Variants in RAPGEF4 observed in about 807,000 individuals in gnomAD.
RAPGEF4 encodes RAP guanine-nucleotide-exchange factor (GEF) 4.
RAPGEF4 carries 66 observed loss-of-function variants against 147.9 expected under a neutral mutation model. The observed-to-expected ratio is 0.45, with a 90% CI of 0.37 to 0.55. RAPGEF4 has a LOEUF of 0.55. RAPGEF4 is among the 20% of genes least tolerant of loss of function. The pLI is 0.00. For missense variants in RAPGEF4, 1,071 were observed against 1,257.3 expected, an observed-to-expected ratio of 0.85 and a Z score of 2.24; for synonymous variants, 419 against 442.7, an observed-to-expected ratio of 0.95 and a Z score of 0.67.
At chr2:172,989,075 A>G (rs1026718917) in intron 14 of RAPGEF4, among the ~76,000 whole-genome samples, 7 of 152,210 alleles carry the variant, frequency 4.6e-5, no homozygotes, top group South Asian at 4.1e-4. Flanking sequence ...CAGTCCCTCT[A>G]TGCATCCCTG....
intron 4 of RAPGEF4, among the ~76,000 whole-genome samples, chr2:172,892,758 A>T (rs80197354): frequency 2.5e-3 from 377 of 152,050 alleles, no homozygotes; most frequent in African/African-American, 8.1e-3. Context: ...GCTTCCTGGG[A>T]TTGGTCATCT....
chr2:173,020,459 G>A (rs75013622), intron 22 of RAPGEF4, among the ~76,000 whole-genome samples, 159 bp from the exon 23 acceptor site: 2,321 of 152,256 alleles, frequency 0.015, 58 homozygotes, highest in African/African-American at 0.052. Flanking sequence ...CATGAATGCC[G>A]TCTTTTTTAT....
intron 3 of RAPGEF4, among the ~76,000 whole-genome samples, chr2:172,804,730 G>C (rs890312921): frequency 6.6e-6 from 1 of 152,154 alleles, no homozygotes; most frequent in African/African-American, 2.4e-5. Flanking sequence ...GGTGGAGAGG[G>C]GTGATGGGGA....
At chr2:172,835,804 A>G (rs1221234772) in intron 4 of RAPGEF4, among the ~76,000 whole-genome samples, 2 of 152,174 alleles carry the variant, frequency 1.3e-5, no homozygotes, top group African/African-American at 4.8e-5. Context: ...CAATCTCTTA[A>G]CCAGTATACA....
At chr2:172,736,693 GCTCT>G (rs937632280) in intron 1 of RAPGEF4, among the ~76,000 whole-genome samples, 3 of 152,236 alleles carry the variant, frequency 2.0e-5, no homozygotes, top group African/African-American at 7.2e-5. Context: ...CCCGACGACA[GCTCT>G]CTCTAAGGAG....
intron 22 of RAPGEF4, among the ~76,000 whole-genome samples, chr2:173,019,583 C>T (rs1198019907): frequency 6.6e-6 from 1 of 152,210 alleles, no homozygotes; most frequent in African/African-American, 2.4e-5. Context: ...TGGCGGAATC[C>T]TTCAGGAACA....
chr2:172,839,392 T>C lies in RAPGEF4; in HGVS notation c.444+24967T>C, dbSNP rs186775878. The stretch of plus-strand genomic sequence containing the variant: ...TATTTATGGTTATTTCTTAATGATA[T>C]ACTAAAGAAGGGGTGGATTATTCAT... On this transcript the variant is annotated intron_variant, in intron 4 of 30. Transcript: ENST00000397081. 1.3e-3 allele frequency among the ~76,000 whole-genome samples: 203 copies of C among 152,230 alleles called. 1 individual carries two copies. Among genetic ancestry groups the C allele is most frequent in the African/African-American group, 4.5e-3 (186 of 41,492 alleles).
chr2:172,837,889 A>G (rs531888063), intron 4 of RAPGEF4, among the ~76,000 whole-genome samples: 34 of 152,334 alleles, frequency 2.2e-4, no homozygotes, highest in Middle Eastern at 3.4e-3. Context: ...ATTCACTTGG[A>G]GAACAATAGC....
intron 3 of RAPGEF4, among the ~76,000 whole-genome samples, chr2:172,813,163 A>G (rs752564331): frequency 3.3e-5 from 5 of 152,238 alleles, no homozygotes; most frequent in Non-Finnish European, 5.9e-5. Context: ...GTGATTACAG[A>G]GTCACTAACT....
intron 9 of RAPGEF4, chr2:172,967,039 A>G: frequency 2.3e-6 from 1 of 436,156 alleles, no homozygotes; most frequent in Admixed American, 3.9e-5. Context: ...ACAGAGGCCG[A>G]GGAGATGGGT....
At chr2:172,925,777 A>AAGAGAGAGAGAGAGAGAG (rs67773579) in intron 6 of RAPGEF4, among the ~76,000 whole-genome samples, 142 of 133,884 alleles carry the variant, frequency 1.1e-3, no homozygotes, top group South Asian at 4.4e-3. Context: ...GAAAGAAAGA[A>AAGAGAGAGAGAGAGAGAG]AGAGAGAGAG....
intron 4 of RAPGEF4, among the ~76,000 whole-genome samples, chr2:172,861,519 G>T (rs1417528866): frequency 6.6e-6 from 1 of 152,212 alleles, no homozygotes; most frequent in Admixed American, 6.5e-5. Context: ...CCAGGAAGAT[G>T]GTGTCCCTGG....
chr2:172,992,921 G>C (rs1316155990), intron 15 of RAPGEF4, among the ~76,000 whole-genome samples: 1 of 152,128 alleles, frequency 6.6e-6, no homozygotes, highest in Non-Finnish European at 1.5e-5. Context: ...TTGAAGGGGA[G>C]GGGGGCATGT....
At chr2:172,737,737 G>T (rs1157886042) in intron 1 of RAPGEF4, among the ~76,000 whole-genome samples, 1 of 151,654 alleles carries the variant, frequency 6.6e-6, no homozygotes, top group African/African-American at 2.4e-5. Flanking sequence ...CACAGATACT[G>T]AGCCTAGCAT....
chr2:173,043,126 C>G (rs1328758458), intron 29 of RAPGEF4, among the ~76,000 whole-genome samples: 1 of 152,126 alleles, frequency 6.6e-6, no homozygotes, highest in East Asian at 1.9e-4. Flanking sequence ...AAATTCTTGT[C>G]CCAAATATGT....
intron 20 of RAPGEF4, 96 bp downstream of exon 20, chr2:173,017,300 T>A: frequency 6.7e-7 from 1 of 1,498,612 alleles, no homozygotes; most frequent in South Asian, 1.1e-5. Context: ...TGATTTCTTT[T>A]TTGTAGACGT....
chr2:172,797,740 C>T (rs1686526130), intron 3 of RAPGEF4, 127 bp downstream of exon 3: 1 of 690,426 alleles, frequency 1.4e-6, no homozygotes, highest in Non-Finnish European at 2.4e-6. Flanking sequence ...AGGAGTTCAG[C>T]ACTGTTTGTT....
chr2:172,866,951 C>CTT (rs368474331), intron 4 of RAPGEF4, among the ~76,000 whole-genome samples: 136 of 139,748 alleles, frequency 9.7e-4, no homozygotes, highest in Middle Eastern at 7.6e-3. Context: ...CAAAACTGCT[C>CTT]TTTTTTTTTT....
Position 172,736,058 on chromosome 2 carries a change from C to A in RAPGEF4, c.65+10C>A, listed in dbSNP as rs941335143. 1 of 1,464,084 alleles carries A rather than the reference C, an allele frequency of 6.8e-7. No individual in the cohort carries two copies. 90.7% of individuals were successfully genotyped at this position (1,464,084 alleles called of 1,614,324 possible). On this transcript the variant is annotated intron_variant, in intron 1 of 30. Transcript: ENST00000397081. ...CCTGCCTGGATAAAAGGTAGCTCGC[C>A]GGGGGCCGCAGCCGGGGGCCGAGCT...
Sources: gnomAD v4.1 joint callset for allele counts (sites outside exome capture counted in the v4.1 genomes callset) on GRCh38, gnomAD v4.1.1 for gene constraint, MANE v1.5 for transcripts, NCBI Gene and HGNC (gene_info 2026-07-23, HGNC 2026-07-21) for gene names.